ANKMY1: variants seen among roughly 807,000 people sequenced by gnomAD.
ANKMY1 encodes ankyrin repeat and MYND domain-containing protein 1.
ANKMY1 carries 98 observed loss-of-function variants against 102.0 expected under a neutral mutation model. The ratio of observed to expected loss-of-function variants is 0.96; its 90% CI spans 0.82 to 1.14. The LOEUF (loss-of-function observed/expected upper bound fraction) is 1.14, where lower values mean the gene tolerates loss of function less well. Ranked by LOEUF, ANKMY1 falls within the 50% of genes most tolerant of loss-of-function variation. ANKMY1 has a pLI of 0.00. For missense variants in ANKMY1, 1,330 were observed against 1,347.6 expected (o/e 0.99, Z 0.20); for synonymous variants, 582 against 559.9 (o/e 1.04, Z -0.56).
At chr2:240,550,687 C>T (rs1259130651) in intron 4 of ANKMY1, among the ~76,000 whole-genome samples, 5 of 151,968 alleles carry the variant, frequency 3.3e-5, no homozygotes, top group Non-Finnish European at 5.9e-5. Flanking sequence ...ATTTAACTTT[C>T]TTTGGGTTTT....
chr2:240,468,948 T>C, the ANKMY1 span, among the ~76,000 whole-genome samples: 192 of 152,294 alleles, frequency 1.3e-3, 1 homozygote, highest in African/African-American at 4.6e-3. Context: ...GGTCCTCACT[T>C]GCAGGCCCCT....
intron 8 of ANKMY1, 136 bp downstream of exon 8, chr2:240,523,749 G>A: frequency 7.3e-7 from 1 of 1,369,692 alleles, no homozygotes; most frequent in Non-Finnish European, 9.7e-7. Flanking sequence ...CCGACACAGG[G>A]ATGCTCACAC....
upstream of ANKMY1, chr2:240,560,980 G>T (rs763623217): frequency 6.5e-7 from 1 of 1,540,250 alleles, no homozygotes; most frequent in Non-Finnish European, 8.6e-7. Context: ...GGCGGCGCCT[G>T]CCTAGTCTAC....
At chr2:240,523,671 G>C (rs1311599157) in intron 8 of ANKMY1, 1 of 761,986 alleles carries the variant, frequency 1.3e-6, no homozygotes, top group Non-Finnish European at 2.1e-6. Flanking sequence ...CCCCCACAGG[G>C]CTGGGGTGGC....
chr2:240,498,949 G>A (rs531651827), intron 15 of ANKMY1, among the ~76,000 whole-genome samples: 1 of 152,262 alleles, frequency 6.6e-6, no homozygotes, highest in Non-Finnish European at 1.5e-5. Flanking sequence ...AGCAGATGCT[G>A]GTACCGCACT....
At chr2:240,555,086 G>A (rs1371400443) in intron 2 of ANKMY1, 31 bp from the exon 3 acceptor site, 4 of 1,609,920 alleles carry the variant, frequency 2.5e-6, no homozygotes, top group African/African-American at 2.7e-5. Flanking sequence ...GGAGGGAAGA[G>A]TGAAGTGGCT....
intron 4 of ANKMY1, among the ~76,000 whole-genome samples, chr2:240,537,310 C>A (rs898939424): frequency 6.6e-6 from 1 of 152,206 alleles, no homozygotes; most frequent in East Asian, 1.9e-4. Flanking sequence ...ATGTGACCCT[C>A]GCCTATTGTC....
chr2:240,555,363 C>T (rs144711480), intron 2 of ANKMY1: 151 of 384,606 alleles, frequency 3.9e-4, no homozygotes, highest in African/African-American at 2.7e-3. Context: ...CTCCTGAGAT[C>T]GATGGCCCTC....
chr2:240,512,984 G>A (rs777486350), intron 9 of ANKMY1, 42 bp from the exon 10 acceptor site: 19 of 1,591,980 alleles, frequency 1.2e-5, no homozygotes, highest in African/African-American at 2.7e-5. Context: ...GCACATTCTC[G>A]TAGGGAGAGA....
At chr2:240,560,519 C>T, upstream of ANKMY1, 1 of 1,098,152 alleles carries the variant, frequency 9.1e-7, no homozygotes, top group Non-Finnish European at 1.2e-6. Flanking sequence ...TGTCCCGGCC[C>T]AGCGCCCGCG....
At chr2:240,473,771 G>C in the ANKMY1 span, among the ~76,000 whole-genome samples, 1 of 152,072 alleles carries the variant, frequency 6.6e-6, no homozygotes, top group African/African-American at 2.4e-5. Flanking sequence ...CAATCATATG[G>C]TCATCTCAAT....
intron 9 of ANKMY1, chr2:240,519,768 C>T (rs573370088): frequency 5.0e-6 from 1 of 200,756 alleles, no homozygotes; most frequent in East Asian, 1.4e-4. Context: ...CTTCGAAGAA[C>T]TAGCAGGCTA....
intron 15 of ANKMY1, among the ~76,000 whole-genome samples, chr2:240,495,168 G>A (rs574480364): frequency 8.6e-4 from 131 of 152,236 alleles, no homozygotes; most frequent in African/African-American, 3.0e-3. Context: ...CTGGGAAGAC[G>A]CCCGTTACCA....
downstream of ANKMY1, among the ~76,000 whole-genome samples, chr2:240,475,308 G>C (rs1394168918): frequency 6.6e-6 from 1 of 152,056 alleles, no homozygotes. Flanking sequence ...ATTCATTAAA[G>C]TTGCAAGATA....
At chr2:240,538,004 T>C (rs1407066328) in intron 4 of ANKMY1, among the ~76,000 whole-genome samples, 1 of 152,270 alleles carries the variant, frequency 6.6e-6, no homozygotes, top group African/African-American at 2.4e-5. Flanking sequence ...GGAGTCTCTC[T>C]GAATCTGCTG....
rs566690519 is a variant in ANKMY1 at position 240,505,459 on chromosome 2, C to T, written c.2526+2101G>A. Among the ~76,000 whole-genome samples the T allele has an allele frequency of 4.0e-5, 6 of 149,860 alleles. No homozygotes were observed. The South Asian group carries it at 1.3e-3, about 32-fold the overall frequency. On this transcript the variant is annotated intron_variant, in intron 13 of 17. Coordinates refer to ENST00000401804, the MANE Select transcript of ANKMY1 (RefSeq NM_001282771.3). ...CCTGGGTAACAGAGTGAGACTCTGA[C>T]TCAAAAAAAAAAAAAATTAAACATA...
chr2:240,509,240 G>A (rs1329349366), intron 12 of ANKMY1, 108 bp downstream of exon 12: 4 of 870,742 alleles, frequency 4.6e-6, no homozygotes, highest in Non-Finnish European at 5.1e-6. Context: ...TGGATGGATG[G>A]ATGGATAAAT....
chr2:240,481,108 G>A lies in ANKMY1; in HGVS notation c.2886-11C>T. ...TTGAAGAAGGGAATTCTGCAACAGAGCCTCACCGTCAGCAGGCGGCCACTC... is the reference window on the plus strand; with the variant it reads ...TTGAAGAAGGGAATTCTGCAACAGAACCTCACCGTCAGCAGGCGGCCACTC... On this transcript the variant is annotated splice_polypyrimidine_tract_variant and intron_variant, in intron 16 of 17. Transcript: ENST00000401804. The A allele has an allele frequency of 1.9e-6, 3 of 1,601,714 alleles. No homozygotes were observed. Among genetic ancestry groups the A allele is most frequent in the Non-Finnish European group, 2.6e-6 (3 of 1,170,030 alleles).
rs560787675 is a variant in ANKMY1 at position 240,525,530 on chromosome 2, T to A, written c.1335+155A>T. ...CATCTGCTCAGGGTCCCTTAGGGGA[T>A]GCCCAGGCTCTGTCTCTCTTGCCCA... On this transcript the variant is annotated intron_variant, in intron 7 of 17. Coordinates refer to ENST00000401804, the MANE Select transcript of ANKMY1 (RefSeq NM_001282771.3). Among the ~76,000 whole-genome samples the A allele has an allele frequency of 1.1e-3, 169 of 152,308 alleles. 1 individual carries two copies. The highest frequency in any genetic ancestry group is 2.0e-3 in the Non-Finnish European group (134 of 68,022).
Sources: allele counts gnomAD v4.1 joint callset (sites outside exome capture counted in the v4.1 genomes callset), GRCh38; gene constraint gnomAD v4.1.1; transcripts MANE v1.5; gene names NCBI Gene and HGNC (gene_info 2026-07-23, HGNC 2026-07-21).